The following STOX2 variants were observed in gnomAD, a reference collection of about 807,000 sequenced individuals.
STOX2 encodes storkhead box 2.
STOX2 carries 28 observed loss-of-function variants against 60.9 expected under a neutral mutation model. That is an observed-to-expected ratio of 0.46 (90% confidence interval 0.34 to 0.63). The LOEUF is 0.63. Ranked by LOEUF, STOX2 falls within the 30% of genes least tolerant of loss-of-function variation. The pLI is 0.01. For missense variants in STOX2, 1,024 were observed against 1,187.7 expected, an observed-to-expected ratio of 0.86 and a Z score of 2.03; for synonymous variants, 472 against 463.9, an observed-to-expected ratio of 1.02 and a Z score of -0.22.
At chr4:183,814,197 A>G (rs936724205) in intron 1 of STOX2, among the ~76,000 whole-genome samples, 1 of 152,210 alleles carries the variant, frequency 6.6e-6, no homozygotes, top group Non-Finnish European at 1.5e-5. Context: ...AATAGTATAT[A>G]GCCGTTAAAA....
chr4:183,956,853 G>A (rs1579466776), intron 1 of STOX2, among the ~76,000 whole-genome samples: 3 of 151,844 alleles, frequency 2.0e-5, no homozygotes, highest in Non-Finnish European at 4.4e-5. Context: ...ATTTTTTCGA[G>A]CATTACAGGC....
At chr4:183,991,702 G>T (rs1733114362) in intron 1 of STOX2, among the ~76,000 whole-genome samples, 1 of 152,122 alleles carries the variant, frequency 6.6e-6, no homozygotes, top group Non-Finnish European at 1.5e-5. Flanking sequence ...GGGATTACAA[G>T]CATGAGCCAC....
At chr4:183,844,396 A>C (rs539674149) in intron 1 of STOX2, among the ~76,000 whole-genome samples, 1 of 152,358 alleles carries the variant, frequency 6.6e-6, no homozygotes, top group African/African-American at 2.4e-5. Context: ...TAAAATTATC[A>C]GTTTTACTCA....
chr4:183,929,264 A>G (rs1560887895), intron 1 of STOX2, among the ~76,000 whole-genome samples: 1 of 152,218 alleles, frequency 6.6e-6, no homozygotes, highest in Non-Finnish European at 1.5e-5. Flanking sequence ...TGCCCCAAAT[A>G]TCAAGTACAC....
At chr4:183,872,856 G>A (rs1468396041) in intron 1 of STOX2, among the ~76,000 whole-genome samples, 1 of 152,058 alleles carries the variant, frequency 6.6e-6, no homozygotes, top group Admixed American at 6.5e-5. Flanking sequence ...ATTCAGATCT[G>A]CTCTATGAGA....
chr4:183,849,824 T>C (rs2111139419), intron 1 of STOX2, among the ~76,000 whole-genome samples: 1 of 152,330 alleles, frequency 6.6e-6, no homozygotes, highest in African/African-American at 2.4e-5. Context: ...AAGGGTTGTA[T>C]TTATTTCCAT....
At chr4:183,851,841 G>A (rs1740149035) in intron 1 of STOX2, among the ~76,000 whole-genome samples, 1 of 87,366 alleles carries the variant, frequency 1.1e-5, no homozygotes, top group East Asian at 3.7e-4. Context: ...AACGATGAGG[G>A]AAAGGATGAG....
chr4:183,905,198 T>TCCCAGGCCCGCGTCCCGGGC (rs1317950296), upstream of STOX2, among the ~76,000 whole-genome samples: 3 of 152,162 alleles, frequency 2.0e-5, no homozygotes, highest in Non-Finnish European at 4.4e-5. Flanking sequence ...GACCTCCGGG[T>TCCCAGGCCCGCGTCCCGGGC]CCCAGGCCCG....
In STOX2 at chr4:183,905,714, C is replaced by G. The variant is rs948062767; in HGVS notation, c.-1077C>G. The G allele has an allele frequency of 2.0e-5, 3 of 152,370 alleles. No homozygotes were observed. The highest frequency in any genetic ancestry group is 4.1e-4 in the South Asian group (2 of 4,844). The allele number at this position is 152,370 out of a possible 1,614,324, so 9.4% of individuals were successfully genotyped here. A position where few individuals can be genotyped will look rare whatever the true frequency, so the allele number is the denominator to read the frequency against. ...GGGTGTTTTACATGAAAATGAGAAG[C>G]CTGATGGGAACCGCGTTCTAACTTA... On this transcript the variant is annotated 5_prime_UTR_variant, in exon 1 of 4. Coordinates refer to ENST00000308497, the MANE Select transcript of STOX2 (RefSeq NM_020225.3).
At chr4:183,798,170 C>A in intron 1 of STOX2, 1 of 1,035,786 alleles carries the variant, frequency 9.7e-7, no homozygotes, top group Non-Finnish European at 1.2e-6. Context: ...CCGAGGCTCC[C>A]CTGGGTGCCC....
At chr4:183,958,428 A>G (rs1743320806) in intron 1 of STOX2, among the ~76,000 whole-genome samples, 1 of 152,152 alleles carries the variant, frequency 6.6e-6, no homozygotes, top group Admixed American at 6.5e-5. Context: ...TACTATACCC[A>G]TACCACCCTC....
At chr4:183,828,452 G>A (rs974984984) in intron 1 of STOX2, among the ~76,000 whole-genome samples, 1 of 152,010 alleles carries the variant, frequency 6.6e-6, no homozygotes, top group Non-Finnish European at 1.5e-5. Flanking sequence ...TTCATTCTTC[G>A]TCTCTACCCT....
chr4:183,798,158 CG>C, intron 1 of STOX2: 1 of 1,117,332 alleles, frequency 8.9e-7, no homozygotes, highest in Non-Finnish European at 1.1e-6. Context: ...CCGCGGGCAC[CG>C]CCGAGGCTCC....
chr4:183,810,321 A>G (rs569894095), intron 1 of STOX2, among the ~76,000 whole-genome samples: 4 of 152,316 alleles, frequency 2.6e-5, no homozygotes, highest in Admixed American at 2.6e-4. Context: ...TAGGTTAAAG[A>G]AAAAATTATT....
intron 1 of STOX2, among the ~76,000 whole-genome samples, chr4:183,984,843 G>GT (rs1419982926): frequency 6.6e-6 from 1 of 152,218 alleles, no homozygotes; most frequent in Admixed American, 6.5e-5. Flanking sequence ...ATCCAAAGAT[G>GT]TAAGAGGCAC....
Position 184,009,398 on chromosome 4 carries a change from G to A in STOX2, c.560G>A (p.Arg187Lys), listed in dbSNP as rs1579545639. 1 of 1,613,908 alleles carries A rather than the reference G, an allele frequency of 6.2e-7. No homozygotes were observed. Among genetic ancestry groups the A allele is most frequent in the African/African-American group, 1.3e-5 (1 of 74,934 alleles). Residue 187 changes from arginine (R) to lysine (K), a missense_variant, in exon 3 of 4, where the codon AGG becomes AAG. Arg to Lys is a conservative substitution (Grantham distance 26). Transcript: ENST00000308497. This position sits in a 1 kb window ranked among gnomAD's most constrained non-coding sequence, Gnocchi z 4.0. Reference sequence around the variant, plus strand: ...ACGCCCTCTGCCTCAGGCTGTGTCAGGGAAAGGACATTGCCCCGAAACCAC... The same window carrying A: ...ACGCCCTCTGCCTCAGGCTGTGTCAAGGAAAGGACATTGCCCCGAAACCAC... ...TITPSASGCV[R>K]ERTLPRNHCD...
chr4:183,957,784 G>A (rs1287249810), intron 1 of STOX2, among the ~76,000 whole-genome samples: 2 of 152,142 alleles, frequency 1.3e-5, no homozygotes, highest in Non-Finnish European at 2.9e-5. Flanking sequence ...CTAAGGCACC[G>A]TGGTTTCCTT....
chr4:183,979,885 A>T (rs2111186598), intron 1 of STOX2, among the ~76,000 whole-genome samples: 1 of 152,310 alleles, frequency 6.6e-6, no homozygotes, highest in South Asian at 2.1e-4. Context: ...TCGGGAACTA[A>T]TATTTTAGGC....
chr4:183,821,136 A>G lies in STOX2; in HGVS notation c.364+23081A>G, dbSNP rs1228968156. Among the ~76,000 whole-genome samples the G allele has an allele frequency of 1.3e-5, 2 of 152,180 alleles. No homozygotes were observed. Among genetic ancestry groups the G allele is most frequent in the Non-Finnish European group, 2.9e-5 (2 of 68,042 alleles). On this transcript the variant is annotated intron_variant, in intron 1 of 2. Coordinates refer to the STOX2 transcript ENST00000513034. The surrounding 1 kb of genome is among the most constrained non-coding windows in gnomAD (Gnocchi z 4.2). ...GAAAAAGAAAAAAGAAAAAGAAAAAAGAGATTTTTCTCTTCACGGTTCTGT... is the reference window on the plus strand; with the variant it reads ...GAAAAAGAAAAAAGAAAAAGAAAAAGGAGATTTTTCTCTTCACGGTTCTGT...
Sources: gnomAD v4.1 joint callset for allele counts (sites outside exome capture counted in the v4.1 genomes callset) on GRCh38, gnomAD v4.1.1 for gene constraint, Gnocchi (gnomAD v3.1) non-coding constraint, MANE v1.5 for transcripts, NCBI Gene and HGNC (gene_info 2026-07-23, HGNC 2026-07-21) for gene names.